Variants in TRPV3 observed in about 807,000 individuals in gnomAD.
TRPV3 encodes transient receptor potential cation channel subfamily V member 3.
TRPV3 carries 88 observed loss-of-function variants against 87.1 expected under a neutral mutation model. The ratio of observed to expected loss-of-function variants is 1.01; its 90% CI spans 0.85 to 1.21. The LOEUF is 1.21. Ranked by LOEUF, TRPV3 falls within the 50% of genes most tolerant of loss-of-function variation. The pLI is 0.00. For missense variants in TRPV3, 1,054 were observed against 1,030.1 expected (o/e 1.02, Z -0.32); for synonymous variants, 438 against 423.3 (o/e 1.03, Z -0.43).
At position 3,530,047 on chromosome 17, in the gene TRPV3, CA is replaced by C. The variant is rs1424985334; in HGVS notation, c.1221del (p.Val408SerfsTer13). Reference sequence around the variant, plus strand: ...CCCACGTCGATGTTGGTGTTGTAGACAGTGATTTCCAGCACTGAGTTGTCCG... The same window carrying C: ...CCCACGTCGATGTTGGTGTTGTAGACGTGATTTCCAGCACTGAGTTGTCCG... ...TTTDNSVLEITVYNTNIDNRH... is the reference protein window; with the variant it reads ...TTTDNSVLEIXVYNTNIDNRH... On this transcript the variant is annotated frameshift_variant, in exon 9 of 18. Coordinates refer to ENST00000576742, the MANE Select transcript of TRPV3 (RefSeq NM_145068.4). LOFTEE classifies it high-confidence loss of function. This position sits in a 1 kb window ranked among gnomAD's most constrained non-coding sequence, Gnocchi z 4.0. 2 of 1,613,564 alleles carry C rather than the reference CA, an allele frequency of 1.2e-6. No homozygotes were observed. Among genetic ancestry groups the C allele is most frequent in the African/African-American group, 2.7e-5 (2 of 74,928 alleles).
In TRPV3 at chr17:3,519,357, TATGGAG is replaced by T. The variant is rs1315350152; in HGVS notation, c.1811-513_1811-508del. Among the ~76,000 whole-genome samples the T allele has an allele frequency of 1.3e-3, 186 of 140,050 alleles. 4 individuals are homozygous for T. Among genetic ancestry groups the T allele is most frequent in the African/African-American group, 3.4e-3 (125 of 36,804 alleles). 91.9% of individuals were successfully genotyped at this position (140,050 alleles called of 152,430 possible). A position where few individuals can be genotyped will look rare whatever the true frequency, so the allele number is the denominator to read the frequency against. ...ATGGATGGATGGATGGATGGATGGA[TATGGAG>T]GGATGGATGGAGGGATGGATGATTA... On this transcript the variant is annotated intron_variant, in intron 14 of 17. Coordinates refer to ENST00000576742, the MANE Select transcript of TRPV3 (RefSeq NM_145068.4).
chr17:3,536,488 T>C (rs1302070792), intron 6 of TRPV3, among the ~76,000 whole-genome samples: 1 of 152,166 alleles, frequency 6.6e-6, no homozygotes, highest in Non-Finnish European at 1.5e-5. Context: ...CTTGGGAGGC[T>C]GAGGCAGGAG....
At chr17:3,519,943 T>C (rs1407170327) in intron 14 of TRPV3, among the ~76,000 whole-genome samples, 1 of 143,678 alleles carries the variant, frequency 7.0e-6, no homozygotes, top group Non-Finnish European at 1.5e-5. Flanking sequence ...GATAGATGGA[T>C]AGATCAATGG....
intron 7 of TRPV3, among the ~76,000 whole-genome samples, chr17:3,535,158 T>C: frequency 8.2e-6 from 1 of 122,112 alleles, no homozygotes; most frequent in African/African-American, 3.1e-5. Context: ...CCTTCCTTTC[T>C]CTCCCTCCGC....
intron 12 of TRPV3, among the ~76,000 whole-genome samples, 154 bp from the exon 13 acceptor site, chr17:3,524,517 G>C (rs1405277122): frequency 6.6e-6 from 1 of 152,096 alleles, no homozygotes; most frequent in African/African-American, 2.4e-5. Context: ...AGATCCATTT[G>C]GCTACCATAG....
rs1335840127 is a variant in TRPV3 at position 3,535,702 on chromosome 17, G to A, written c.655C>T (p.Leu219=). ...TGCCGCCGCTCGATGGCGATGTTCA[G>A]CGCCGTCTGCCCTGCGGAGCGGGCG... ...TEEAYEGQTA[L]NIAIERRQGD... is the part of the protein sequence containing the mutation. Residue 219 remains leucine (L), a synonymous_variant, in exon 7 of 18, where the codon CTG becomes TTG. Coordinates refer to ENST00000576742, the MANE Select transcript of TRPV3 (RefSeq NM_145068.4). 3 of 1,557,296 alleles carry A rather than the reference G, an allele frequency of 1.9e-6. No individual in the cohort carries two copies. The highest frequency in any genetic ancestry group is 2.8e-5 in the African/African-American group (2 of 72,292).
intron 14 of TRPV3, among the ~76,000 whole-genome samples, chr17:3,520,452 C>T (rs890915932): frequency 3.3e-5 from 5 of 152,126 alleles, no homozygotes; most frequent in Non-Finnish European, 7.4e-5. Context: ...CTTTAGTTTC[C>T]GCATCTGTTA....
chr17:3,520,342 G>A (rs1446937156), intron 14 of TRPV3, among the ~76,000 whole-genome samples: 1 of 152,180 alleles, frequency 6.6e-6, no homozygotes, highest in Admixed American at 6.5e-5. Flanking sequence ...TGTATCTAAA[G>A]CAAACTGTGA....
rs1295187166 is a variant in TRPV3 at position 3,557,178 on chromosome 17, C to T, written c.-3+498G>A. On this transcript the variant is annotated intron_variant, in intron 1 of 17. Coordinates refer to ENST00000576742, the MANE Select transcript of TRPV3 (RefSeq NM_145068.4). The surrounding 1 kb of genome is among the most constrained non-coding windows in gnomAD (Gnocchi z 4.5). ...CTGGCCCTCCCTCTCTCTCCCAATC[C>T]CTGACACTGATTGAAATGGCCTTTC... 6.6e-6 allele frequency among the ~76,000 whole-genome samples: 1 copy of T among 152,158 alleles called. No individual in the cohort carries two copies. Among genetic ancestry groups the T allele is most frequent in the East Asian group, 1.9e-4 (1 of 5,182 alleles).
intron 4 of TRPV3, 126 bp from the exon 5 acceptor site, chr17:3,543,754 G>A: frequency 7.9e-7 from 1 of 1,266,342 alleles, no homozygotes; most frequent in Admixed American, 2.0e-5. Context: ...CTGTCACAAT[G>A]CCTGCAAACT....
chr17:3,516,193 A>G (rs1182325158), intron 16 of TRPV3, among the ~76,000 whole-genome samples: 1 of 152,084 alleles, frequency 6.6e-6, no homozygotes, highest in Non-Finnish European at 1.5e-5. Context: ...TCTCAAAAAA[A>G]AATAAAAGAA....
rs763775040 is a variant in TRPV3 at position 3,535,690 on chromosome 17, T to C, written c.667A>G (p.Ile223Val). 8.9e-6 allele frequency: 14 copies of C among 1,580,006 alleles called. No homozygotes were observed. The highest frequency in any genetic ancestry group is 1.1e-5 in the South Asian group (1 of 87,012). Residue 223 changes from isoleucine to valine, a missense_variant, in exon 7 of 18, where the codon ATC becomes GTC. Ile to Val is a conservative substitution (Grantham distance 29). Coordinates refer to ENST00000576742, the MANE Select transcript of TRPV3 (RefSeq NM_145068.4). ...YEGQTALNIA[I>V]ERRQGDIAAL... The stretch of plus-strand genomic sequence containing the variant: ...GCGATGTCCCCCTGCCGCCGCTCGA[T>C]GGCGATGTTCAGCGCCGTCTGCCCT...
chr17:3,520,837 G>A, intron 14 of TRPV3, 136 bp downstream of exon 14: 1 of 475,788 alleles, frequency 2.1e-6, no homozygotes. Context: ...GTAATGCTTG[G>A]AAAATGCCAA....
chr17:3,535,758 A>AG, intron 6 of TRPV3, 45 bp from the exon 7 acceptor site: 2 of 1,419,468 alleles, frequency 1.4e-6, no homozygotes, highest in Non-Finnish European at 1.8e-6. Context: ...CGCCGGGCAC[A>AG]GGGGCCTCTT....
intron 9 of TRPV3, among the ~76,000 whole-genome samples, chr17:3,529,555 G>A (rs1355850977): frequency 6.6e-6 from 1 of 152,058 alleles, no homozygotes. Flanking sequence ...CAGTTGCACC[G>A]AACTCTCCCC....
intron 14 of TRPV3, among the ~76,000 whole-genome samples, chr17:3,519,482 T>TTGGATGGATGGATGGATGGATGAC (rs2074217549): frequency 2.2e-5 from 2 of 91,374 alleles, no homozygotes; most frequent in Non-Finnish European, 4.5e-5. Flanking sequence ...GGATAGATGA[T>TTGGATGGATGGATGGATGGATGAC]TGGATGGATG....
Position 3,513,833 on chromosome 17 carries a change from C to A in TRPV3, c.*84G>T, listed in dbSNP as rs146188912. The A allele has an allele frequency of 1.7e-6, 2 of 1,199,128 alleles. No individual in the cohort carries two copies. Among genetic ancestry groups the A allele is most frequent in the East Asian group, 2.4e-5 (1 of 42,412 alleles). 74.3% of individuals were successfully genotyped at this position (1,199,128 alleles called of 1,614,324 possible). A position where few individuals can be genotyped will look rare whatever the true frequency, so the allele number is the denominator to read the frequency against. On this transcript the variant is annotated 3_prime_UTR_variant, in exon 18 of 18. Coordinates refer to ENST00000576742, the MANE Select transcript of TRPV3 (RefSeq NM_145068.4). ...GGCCAGCAGAGCCGGACTCCACCAT[C>A]CCTCAAAGCCTCTCTGCACAGAGTC...
rs760281956 is a variant in TRPV3 at position 3,530,098 on chromosome 17, C to A, written c.1171G>T (p.Asp391Tyr). The A allele has an allele frequency of 6.2e-7, 1 of 1,613,976 alleles. No homozygotes were observed. Among genetic ancestry groups the A allele is most frequent in the East Asian group, 2.2e-5 (1 of 44,886 alleles). ...AYGPVSSSLY[D>Y]LTNVDTTTDN... is the part of the protein sequence containing the mutation. ...GTGGTGGTGTCCACGTTGGTGAGGT[C>A]GTAGAGGGAGGATGACACGGGTCCG... Residue 391 changes from aspartate to tyrosine, a missense_variant, in exon 9 of 18, where the codon GAC becomes TAC. By Grantham distance (160) the Asp-to-Tyr change is radical. Transcript: ENST00000576742. The surrounding 1 kb of genome is among the most constrained non-coding windows in gnomAD (Gnocchi z 4.0).
chr17:3,519,651 T>C (rs2074221924), intron 14 of TRPV3, among the ~76,000 whole-genome samples: 1 of 147,618 alleles, frequency 6.8e-6, no homozygotes, highest in Non-Finnish European at 1.5e-5. Flanking sequence ...GATGATTAGA[T>C]GGATGGATGG....
Sources: allele counts gnomAD v4.1 joint callset (sites outside exome capture counted in the v4.1 genomes callset), GRCh38; gene constraint gnomAD v4.1.1; non-coding constraint Gnocchi (gnomAD v3.1); transcripts MANE v1.5; gene names NCBI Gene and HGNC (gene_info 2026-07-23, HGNC 2026-07-21).